Variants in PURG observed in about 807,000 individuals in gnomAD.
PURG encodes purine rich element binding protein G.
In PURG, 3 loss-of-function variants were observed where a neutral mutation model predicts 24.3. That is an observed-to-expected ratio of 0.12 (90% CI 0.06 to 0.32). PURG has a LOEUF of 0.32. Ranked by LOEUF, PURG falls within the 10% of genes least tolerant of loss-of-function variation. The pLI is 1.00. For synonymous variants in PURG, 180 were observed against 173.1 expected, an observed-to-expected ratio of 1.04 and a Z score of -0.31; for missense variants, 371 against 439.1, an observed-to-expected ratio of 0.84 and a Z score of 1.39.
Position 31,033,110 on chromosome 8 carries a change from C to A in PURG, c.-39G>T. ...CTGCCATCACCGCCGCCGCCGATGC[C>A]CTTCACGACCACCGCCGCCGCCACC... On this transcript the variant is annotated 5_prime_UTR_variant, in exon 1 of 2. Transcript: ENST00000523392. The A allele has an allele frequency of 4.5e-6, 1 of 224,682 alleles. No individual in the cohort carries two copies. The highest frequency in any genetic ancestry group is 8.6e-6 in the Non-Finnish European group (1 of 115,612). The allele number at this position is 224,682 out of a possible 1,614,324, so 13.9% of individuals were successfully genotyped here.
chr8:31,002,936 T>C (rs941064495), intron 1 of PURG, among the ~76,000 whole-genome samples: 3 of 152,212 alleles, frequency 2.0e-5, no homozygotes, highest in Non-Finnish European at 2.9e-5. Context: ...ATGAACTGTT[T>C]AGAGACTTCA....
At chr8:31,026,990 T>C (rs1241486844), downstream of PURG, among the ~76,000 whole-genome samples, 4 of 151,726 alleles carry the variant, frequency 2.6e-5, no homozygotes, top group Non-Finnish European at 4.4e-5. Context: ...AAACCCAATT[T>C]TCACATGATA....
At position 31,032,315 on chromosome 8, in the gene PURG, G is replaced by T. The variant is rs1811236429; in HGVS notation, c.468C>A (p.Ser156=). ...SRRRQKHSAP[S]PPVSVGSEEH... is the part of the protein sequence containing the mutation. ...CTTCGGACCCCACCGAGACTGGTGG[G>T]GAGGGTGCCGAGTGCTTCTGCCTCC... The change falls in exon 2 of 2, where the codon TCC becomes TCA. Residue 156 remains serine (S), a synonymous_variant. Coordinates refer to ENST00000523392, the MANE Select transcript of PURG (RefSeq NM_001323311.2). This position sits in a 1 kb window ranked among gnomAD's most constrained non-coding sequence, Gnocchi z 5.9. 1.9e-6 allele frequency: 3 copies of T among 1,612,696 alleles called. No individual in the cohort carries two copies. Among genetic ancestry groups the T allele is most frequent in the African/African-American group, 2.7e-5 (2 of 74,910 alleles).
At chr8:31,017,748 T>C (rs576896776) in intron 1 of PURG, among the ~76,000 whole-genome samples, 2 of 152,314 alleles carry the variant, frequency 1.3e-5, no homozygotes, top group East Asian at 1.9e-4. Context: ...ACTTGGAAAC[T>C]TGTTGTCTAA....
chr8:31,030,171 G>A (rs75234787), downstream of PURG, among the ~76,000 whole-genome samples: 1,131 of 151,978 alleles, frequency 7.4e-3, 7 homozygotes, highest in Admixed American at 0.013. Context: ...GAAAAAAATC[G>A]CTGATATAAT....
downstream of PURG, chr8:31,030,773 G>T (rs1811179225): frequency 6.6e-6 from 1 of 151,946 alleles, no homozygotes; most frequent in East Asian, 1.9e-4. Flanking sequence ...ATTATTACAG[G>T]TATATTTTTA....
At chr8:31,000,117 T>C (rs1455903932) in intron 1 of PURG, among the ~76,000 whole-genome samples, 1 of 152,158 alleles carries the variant, frequency 6.6e-6, no homozygotes, top group Non-Finnish European at 1.5e-5. Context: ...TTTCTAGCCT[T>C]AGCTGGTCAT....
rs78871432 is a variant in PURG, at chr8:31,023,544, C to CA, written c.864+8374dup. Among the ~76,000 whole-genome samples the CA allele has an allele frequency of 2.6e-3, 321 of 122,792 alleles. 1 individual carries two copies. Among genetic ancestry groups the CA allele is most frequent in the East Asian group, 0.017 (70 of 4,198 alleles). The allele number at this position is 122,792 out of a possible 152,430, so 80.6% of individuals were successfully genotyped here. On this transcript the variant is annotated intron_variant, in intron 1 of 1. Transcript: ENST00000339382. Reference sequence around the variant, plus strand: ...TGGGCGATAGAGTGAGACTGCATCTCAAAAAAAAAAAAAAGTAATAATAAA... The same window carrying CA: ...TGGGCGATAGAGTGAGACTGCATCTCAAAAAAAAAAAAAAAGTAATAATAAA...
chr8:31,001,155 C>T (rs1484765998), intron 1 of PURG, among the ~76,000 whole-genome samples: 1 of 152,112 alleles, frequency 6.6e-6, no homozygotes, highest in Non-Finnish European at 1.5e-5. Context: ...CAAAATAATA[C>T]AACATTCCAC....
intron 1 of PURG, among the ~76,000 whole-genome samples, chr8:31,015,711 C>A (rs1810849218): frequency 6.6e-6 from 1 of 152,122 alleles, no homozygotes; most frequent in Admixed American, 6.5e-5. Context: ...TGATAGCATA[C>A]AAAATCTTAA....
At chr8:31,018,099 A>C (rs1641696589) in intron 1 of PURG, among the ~76,000 whole-genome samples, 1 of 152,224 alleles carries the variant, frequency 6.6e-6, no homozygotes, top group African/African-American at 2.4e-5. Context: ...AAATTTCATA[A>C]ATTCTATTTA....
downstream of PURG, among the ~76,000 whole-genome samples, chr8:31,026,283 C>A (rs952361120): frequency 6.6e-6 from 1 of 151,488 alleles, no homozygotes; most frequent in African/African-American, 2.4e-5. Context: ...ATTTAATATC[C>A]TGGCACTCCT....
chr8:31,005,831 G>A (rs577317444), intron 1 of PURG, among the ~76,000 whole-genome samples: 57 of 143,748 alleles, frequency 4.0e-4, no homozygotes, highest in Non-Finnish European at 6.1e-4. Context: ...AGAACAACAC[G>A]CCCTGGAAAG....
chr8:30,996,278 A>G (rs541476324), exon 2 of PURG: 51 of 178,886 alleles, frequency 2.9e-4, no homozygotes, highest in Admixed American at 1.1e-4. Context: ...ATATAGTTAC[A>G]TGATCTCTTA....
At chr8:31,006,058 C>T (rs1427564740) in intron 1 of PURG, among the ~76,000 whole-genome samples, 1 of 152,144 alleles carries the variant, frequency 6.6e-6, no homozygotes, top group African/African-American at 2.4e-5. Context: ...GTCTGGGAGC[C>T]TAACTTATGA....
Position 31,000,736 on chromosome 8 carries a change from G to A in PURG, c.865-4039C>T, listed in dbSNP as rs112902690. On this transcript the variant is annotated intron_variant, in intron 1 of 1. Transcript: ENST00000339382. ...TTGAGCATCTGAATCTTAGGTATAA[G>A]AATGACTATATAGAAGCATGTTAAA... is the stretch of plus-strand genomic sequence containing the variant. Among the ~76,000 whole-genome samples, 342 of 152,256 alleles carry A rather than the reference G, an allele frequency of 2.2e-3. 1 individual carries two copies. The highest frequency in any genetic ancestry group is 7.5e-3 in the African/African-American group (312 of 41,556).
In PURG at chr8:31,023,994, C is replaced by T. The variant is rs1025823434; in HGVS notation, c.864+7925G>A. ...ACAGAATATGCAGAAAAAAGCAATG[C>T]TCCTTCCAAATAATGAGATATTTGA... On this transcript the variant is annotated intron_variant, in intron 1 of 1. Transcript: ENST00000339382. 1.3e-5 allele frequency among the ~76,000 whole-genome samples: 2 copies of T among 152,132 alleles called. 1 individual carries two copies. Among genetic ancestry groups the T allele is most frequent in the Middle Eastern group, 6.3e-3 (2 of 316 alleles).
chr8:31,030,332 T>C (rs1183059152), downstream of PURG, among the ~76,000 whole-genome samples: 1 of 151,906 alleles, frequency 6.6e-6, no homozygotes, highest in Non-Finnish European at 1.5e-5. Context: ...GGGAGGTGAA[T>C]AAAGCCAAGA....
At chr8:31,028,567 C>A (rs1046008680), downstream of PURG, among the ~76,000 whole-genome samples, 3 of 151,794 alleles carry the variant, frequency 2.0e-5, no homozygotes, top group Non-Finnish European at 1.5e-5. Context: ...CTTTTCCACC[C>A]TGTCATTTAT....
Sources: allele counts gnomAD v4.1 joint callset (sites outside exome capture counted in the v4.1 genomes callset), GRCh38; gene constraint gnomAD v4.1.1; non-coding constraint Gnocchi (gnomAD v3.1); transcripts MANE v1.5; gene names NCBI Gene and HGNC (gene_info 2026-07-23, HGNC 2026-07-21).